NAALADL2: variants seen among roughly 807,000 people sequenced by gnomAD.
NAALADL2 encodes the protein N-acetylated alpha-linked acidic dipeptidase like 2, also known as inactive N-acetylated-alpha-linked acidic dipeptidase-like protein 2.
NAALADL2 carries 76 observed loss-of-function variants against 87.2 expected under a neutral mutation model. The ratio of observed to expected loss-of-function variants is 0.87; its 90% CI spans 0.72 to 1.05. The LOEUF (loss-of-function observed/expected upper bound fraction) is 1.05, where lower values mean the gene tolerates loss of function less well. Among genes scored for constraint, NAALADL2 ranks in the 50% least tolerant of loss-of-function variants. The pLI, the probability that NAALADL2 is intolerant of heterozygous loss-of-function variation, is 0.00. For missense variants in NAALADL2, 1,089 were observed against 945.8 expected (o/e 1.15, Z -1.99); for synonymous variants, 354 against 331.0 (o/e 1.07, Z -0.75).
intron 2 of NAALADL2, among the ~76,000 whole-genome samples, chr3:175,173,198 A>G (rs1227261586): frequency 6.6e-6 from 1 of 152,006 alleles, no homozygotes; most frequent in Non-Finnish European, 1.5e-5. Flanking sequence ...AAGCTAAGGC[A>G]GGAGAATGGT....
At chr3:174,565,464 T>C (rs1714145201) in intron 2 of NAALADL2, among the ~76,000 whole-genome samples, 1 of 152,088 alleles carries the variant, frequency 6.6e-6, no homozygotes, top group African/African-American at 2.4e-5. Context: ...TTTAGATATA[T>C]GTACTTAAGT....
Position 175,466,997 on chromosome 3 carries a change from G to T in NAALADL2, c.1346G>T (p.Gly449Val). ...LTSPDRYIIV[G>V]SHHHTAHSYN... The stretch of plus-strand genomic sequence containing the variant: ...TTTTCAGACCGGTATATCATAGTTG[G>T]CAGCCATCATCACACTGCACACAGT... The change falls in exon 8 of 14, where the codon GGC becomes GTC. Residue 449 changes from glycine to valine, a missense_variant. By Grantham distance (109) the Gly-to-Val change is moderately radical. Coordinates refer to ENST00000454872, the MANE Select transcript of NAALADL2 (RefSeq NM_207015.3). The T allele has an allele frequency of 6.2e-7, 1 of 1,613,144 alleles. No homozygotes were observed. The highest frequency in any genetic ancestry group is 1.1e-5 in the South Asian group (1 of 91,064).
intron 2 of NAALADL2, among the ~76,000 whole-genome samples, chr3:174,593,314 T>C (rs1333135991): frequency 6.6e-6 from 1 of 152,174 alleles, no homozygotes; most frequent in Non-Finnish European, 1.5e-5. Flanking sequence ...GAATATTTTC[T>C]TGTGGTTAGT....
intron 1 of NAALADL2, among the ~76,000 whole-genome samples, chr3:174,929,561 T>A (rs1736573555): frequency 6.6e-6 from 1 of 152,164 alleles, no homozygotes. Context: ...ATACTATAAT[T>A]ATATGCTATG....
chr3:175,526,796 TC>T (rs1159618015), intron 9 of NAALADL2, among the ~76,000 whole-genome samples: 1 of 152,134 alleles, frequency 6.6e-6, no homozygotes, highest in Non-Finnish European at 1.5e-5. Context: ...GGAACTTTCT[TC>T]CGGGGAAAAC....
At chr3:175,579,235 A>G (rs62285579) in intron 10 of NAALADL2, among the ~76,000 whole-genome samples, 17,697 of 152,050 alleles carry the variant, frequency 0.12, 1,235 homozygotes, top group Middle Eastern at 0.17. Context: ...TCTATCATCC[A>G]GTGAGATTGA....
chr3:174,582,089 A>G (rs1716224464), intron 2 of NAALADL2, among the ~76,000 whole-genome samples: 1 of 152,204 alleles, frequency 6.6e-6, no homozygotes, highest in Non-Finnish European at 1.5e-5. Flanking sequence ...ATTGTGATTT[A>G]CCAACAGTAC....
intron 3 of NAALADL2, among the ~76,000 whole-genome samples, chr3:174,769,432 T>C (rs541839321): frequency 1.8e-4 from 28 of 152,190 alleles, no homozygotes; most frequent in Middle Eastern, 6.8e-3. Context: ...ACATGTAAAC[T>C]ACTTTTTATA....
At chr3:175,181,557 A>G (rs1376788178) in intron 2 of NAALADL2, among the ~76,000 whole-genome samples, 2 of 151,340 alleles carry the variant, frequency 1.3e-5, no homozygotes, top group Non-Finnish European at 2.9e-5. Flanking sequence ...GTAAGTGACA[A>G]CATGTGGTAT....
At chr3:175,236,548 C>CAAA (rs34787558) in intron 3 of NAALADL2, among the ~76,000 whole-genome samples, 4 of 98,930 alleles carry the variant, frequency 4.0e-5, no homozygotes, top group African/African-American at 1.4e-4. Flanking sequence ...AACTCCTTCT[C>CAAA]AAAAAAAAAA....
intron 2 of NAALADL2, chr3:174,551,203 C>T (rs1033325843): frequency 2.0e-5 from 3 of 152,072 alleles, no homozygotes; most frequent in African/African-American, 7.2e-5. Flanking sequence ...TTTTTTCACT[C>T]TGCTCTTGTG....
At chr3:175,354,096 C>A (rs993318334) in intron 5 of NAALADL2, among the ~76,000 whole-genome samples, 9 of 152,152 alleles carry the variant, frequency 5.9e-5, no homozygotes, top group African/African-American at 2.2e-4. Flanking sequence ...CCTTTGCTCC[C>A]AGCCCTTATT....
At chr3:174,839,841 AT>A (rs201076051) in intron 3 of NAALADL2, among the ~76,000 whole-genome samples, 1,854 of 151,720 alleles carry the variant, frequency 0.012, 39 homozygotes, top group African/African-American at 0.042. Flanking sequence ...AAAAAAAATA[AT>A]AAAAAAAAAT....
chr3:175,352,605 C>T (rs543733716), intron 5 of NAALADL2, among the ~76,000 whole-genome samples: 1 of 152,128 alleles, frequency 6.6e-6, no homozygotes, highest in South Asian at 2.1e-4. Context: ...CTCAAAGTCT[C>T]AAGAGAAGGA....
At position 175,097,173 on chromosome 3, in the gene NAALADL2, G is replaced by C. The variant is rs1721305285; in HGVS notation, c.427G>C (p.Gly143Arg). The C allele has an allele frequency of 6.2e-7, 1 of 1,613,626 alleles. No homozygotes were observed. Among genetic ancestry groups the C allele is most frequent in the Non-Finnish European group, 8.5e-7 (1 of 1,179,710 alleles). ...TILFIFGILI[G>R]YYVHTNCPSD... is the part of the protein sequence containing the mutation. Reference sequence around the variant, plus strand: ...TTTATTTATTTTTGGGATTTTGATAGGTTATTATGTACATACAAATTGCCC... The same window carrying C: ...TTTATTTATTTTTGGGATTTTGATACGTTATTATGTACATACAAATTGCCC... Residue 143 changes from glycine to arginine, a missense_variant, in exon 2 of 14, where the codon GGT (glycine) becomes CGT (arginine). Gly to Arg is a moderately radical substitution (Grantham distance 125). Coordinates refer to ENST00000454872, the MANE Select transcript of NAALADL2 (RefSeq NM_207015.3).
chr3:175,275,080 A>G (rs7648821), intron 4 of NAALADL2, among the ~76,000 whole-genome samples: 140,044 of 152,216 alleles, frequency 0.92, 64,616 homozygotes, highest in African/African-American at 0.98. Context: ...ACTAAAGTTA[A>G]CTCTGAATTT....
At chr3:174,634,208 C>A (rs1722414318) in intron 2 of NAALADL2, among the ~76,000 whole-genome samples, 1 of 152,068 alleles carries the variant, frequency 6.6e-6, no homozygotes, top group African/African-American at 2.4e-5. Context: ...AATATTAATA[C>A]CCTTTCCTGT....
chr3:175,092,156 T>C (rs902462054), intron 1 of NAALADL2, among the ~76,000 whole-genome samples: 5 of 150,926 alleles, frequency 3.3e-5, no homozygotes, highest in African/African-American at 1.2e-4. Flanking sequence ...AATGTGGTAC[T>C]GTTATTATTT....
At chr3:174,803,945 T>C (rs1334705969) in intron 3 of NAALADL2, among the ~76,000 whole-genome samples, 1 of 152,138 alleles carries the variant, frequency 6.6e-6, no homozygotes, top group African/African-American at 2.4e-5. Context: ...TTGTCGTGGC[T>C]ATGCGGGCTC....
Sources: gnomAD v4.1 joint callset for allele counts (sites outside exome capture counted in the v4.1 genomes callset) on GRCh38, gnomAD v4.1.1 for gene constraint, MANE v1.5 for transcripts, NCBI Gene and HGNC (gene_info 2026-07-23, HGNC 2026-07-21) for gene names.